The following NDUFV1 variants were observed in gnomAD, a reference collection of about 807,000 sequenced individuals.
NDUFV1 encodes the protein NADH dehydrogenase [ubiquinone] flavoprotein 1, mitochondrial.
A neutral mutation model predicts 48.7 loss-of-function variants in NDUFV1; 41 were observed. That is an observed-to-expected ratio of 0.84 (90% CI 0.66 to 1.09). The LOEUF (loss-of-function observed/expected upper bound fraction) is 1.09. Among genes scored for constraint, NDUFV1 ranks in the 50% least tolerant of loss-of-function variants. NDUFV1 has a pLI of 0.00. For synonymous variants in NDUFV1, 231 were observed against 259.1 expected (o/e 0.89, Z 1.04); for missense variants, 580 against 645.4 (o/e 0.90, Z 1.10).
chr11:67,608,819 G>T, intron 3 of NDUFV1, 97 bp downstream of exon 3: 1 of 1,548,454 alleles, frequency 6.5e-7, no homozygotes, highest in South Asian at 1.1e-5. Context: ...TAGAAACTTA[G>T]CATGAATGAG....
Position 67,612,260 on chromosome 11 carries a change from G to T in NDUFV1, c.1303G>T (p.Val435Leu). 1.9e-6 allele frequency: 3 copies of T among 1,613,968 alleles called. No individual in the cohort carries two copies. The highest frequency in any genetic ancestry group is 2.5e-6 in the Non-Finnish European group (3 of 1,179,950). Residue 435 changes from valine to leucine, a missense_variant, in exon 9 of 10, where the codon GTG (valine) becomes TTG (leucine). Transcript: ENST00000322776. This position sits in a 1 kb window ranked among gnomAD's most constrained non-coding sequence, Gnocchi z 4.4. ...TCTGGGTGACGGGGCCGCCTGGCCT[G>T]TGCAGGTATTCACCACCCTTCTGCG... ...CALGDGAAWPVQGLIRHFRPE... is the reference protein window; with the variant it reads ...CALGDGAAWPLQGLIRHFRPE...
intron 3 of NDUFV1, 44 bp downstream of exon 3, chr11:67,608,766 T>C: frequency 2.5e-6 from 4 of 1,609,524 alleles, no homozygotes; most frequent in Non-Finnish European, 3.4e-6. Flanking sequence ...GGGAGAGACC[T>C]TGGGGGTGGC....
rs1033000931 is a variant in NDUFV1, at chr11:67,611,043, T to C, written c.749T>C (p.Val250Ala). Reference protein sequence around the residue: ...TTVANVETVAVSPTICRRGGT... With the variant: ...TTVANVETVAASPTICRRGGT... Reference sequence around the variant, plus strand: ...GTGGCCAACGTGGAGACAGTGGCAGTGTCCCCCACAATCTGCCGCCGTGGA... The same window carrying C: ...GTGGCCAACGTGGAGACAGTGGCAGCGTCCCCCACAATCTGCCGCCGTGGA... Residue 250 changes from valine to alanine, a missense_variant, in exon 6 of 10, where the codon GTG becomes GCG. Physicochemically the swap from Val to Ala is moderately conservative, Grantham distance 64. Transcript: ENST00000322776. The surrounding 1 kb of genome is among the most constrained non-coding windows in gnomAD (Gnocchi z 4.2). 2 of 1,614,222 alleles carry C rather than the reference T, an allele frequency of 1.2e-6. No homozygotes were observed. The highest frequency in any genetic ancestry group is 8.5e-7 in the Non-Finnish European group (1 of 1,180,046).
chr11:67,608,357 C>T (rs200032542), intron 1 of NDUFV1, 39 bp from the exon 2 acceptor site: 6 of 1,580,096 alleles, frequency 3.8e-6, no homozygotes, highest in Non-Finnish European at 5.2e-6. Context: ...CCTCATGGCC[C>T]CAGAGCACTC....
Position 67,612,175 on chromosome 11 carries a change from G to C in NDUFV1, c.1218G>C (p.Pro406=), listed in dbSNP as rs759441828. 30 of 1,613,270 alleles carry C rather than the reference G, an allele frequency of 1.9e-5. No homozygotes were observed. Among genetic ancestry groups the C allele is most frequent in the Non-Finnish European group, 2.2e-5 (26 of 1,179,858 alleles). The change falls in exon 9 of 10, where the codon CCG becomes CCC. Residue 406 remains proline, a synonymous_variant. Transcript: ENST00000322776. The surrounding 1 kb of genome is among the most constrained non-coding windows in gnomAD (Gnocchi z 4.4). ...GTTTCGTGAGGGGGGATGCCCGGCCGGCCGAGATCGACTCCCTGTGGGAGA... is the reference window on the plus strand; with the variant it reads ...GTTTCGTGAGGGGGGATGCCCGGCCCGCCGAGATCGACTCCCTGTGGGAGA... The part of the protein sequence containing the change: ...MARFVRGDAR[P]AEIDSLWEIS...
In NDUFV1 at chr11:67,611,047, C is replaced by T. The variant is rs146875681; in HGVS notation, c.753C>T (p.Ser251=). ...TVANVETVAV[S]PTICRRGGTW... ...CCAACGTGGAGACAGTGGCAGTGTC[C>T]CCCACAATCTGCCGCCGTGGAGGTA... Residue 251 remains serine (S), a synonymous_variant, in exon 6 of 10, where the codon TCC becomes TCT. Coordinates refer to ENST00000322776, the MANE Select transcript of NDUFV1 (RefSeq NM_007103.4). This position sits in a 1 kb window ranked among gnomAD's most constrained non-coding sequence, Gnocchi z 4.2. 2.0e-5 allele frequency: 32 copies of T among 1,614,166 alleles called. No individual in the cohort carries two copies. In the African/African-American group the frequency reaches 4.0e-4, roughly 20 times the overall value.
intron 5 of NDUFV1, 177 bp downstream of exon 5, chr11:67,610,747 C>T (rs933636609): frequency 8.2e-5 from 73 of 894,022 alleles, no homozygotes; most frequent in Non-Finnish European, 1.1e-4. Context: ...CCTCCTCCTG[C>T]CTCGGTCCCC....
Position 67,612,395 on chromosome 11 carries a change from G to GGAGC in NDUFV1, c.1333_1336dup (p.Leu446ArgfsTer?), listed in dbSNP as rs1365812919. 3.1e-6 allele frequency: 5 copies of GGAGC among 1,612,848 alleles called. No homozygotes were observed. The East Asian group carries it at 1.1e-4, about 36-fold the overall frequency. Reference sequence around the variant, plus strand: ...AGGGTCTGATCCGCCACTTTCGGCCGGAGCTCGAGGAGCGGATGCAGCGGT... The same window carrying GGAGC: ...AGGGTCTGATCCGCCACTTTCGGCCGGAGCGAGCTCGAGGAGCGGATGCAGCGGT... On this transcript the variant is annotated frameshift_variant, in exon 10 of 10. Coordinates refer to ENST00000322776, the MANE Select transcript of NDUFV1 (RefSeq NM_007103.4). LOFTEE classifies it high-confidence loss of function. This position sits in a 1 kb window ranked among gnomAD's most constrained non-coding sequence, Gnocchi z 4.4.
chr11:67,608,001 C>T lies in NDUFV1; in HGVS notation c.73-395C>T, dbSNP rs377410524. On this transcript the variant is annotated intron_variant, in intron 1 of 9. Transcript: ENST00000322776. ...CAGCACTTTGGGAGGCTGAGGCGGG[C>T]GGATCGCTTGAGGTCAGGAGTTCGA... Among the ~76,000 whole-genome samples the T allele has an allele frequency of 2.2e-4, 33 of 152,086 alleles. No individual in the cohort carries two copies. The East Asian group carries it at 2.7e-3, about 12-fold the overall frequency.
At chr11:67,610,138 A>C in intron 4 of NDUFV1, 1 of 560,470 alleles carries the variant, frequency 1.8e-6, no homozygotes. Flanking sequence ...GAGACCTGAT[A>C]GTAGCTACTT....
At chr11:67,607,116 CG>C (rs1854820403) in intron 1 of NDUFV1, 40 bp downstream of exon 1, 1 of 1,578,826 alleles carries the variant, frequency 6.3e-7, no homozygotes, top group Non-Finnish European at 8.6e-7. Flanking sequence ...TGTTTGGGGC[CG>C]GGTGTCGCGG....
rs952508681 is a variant in NDUFV1 at position 67,609,634 on chromosome 11, A to C, written c.509A>C (p.Gln170Pro). 1 of 1,602,780 alleles carries C rather than the reference A, an allele frequency of 6.2e-7. No homozygotes were observed. Among genetic ancestry groups the C allele is most frequent in the Non-Finnish European group, 8.5e-7 (1 of 1,179,944 alleles). ...TTCTACAATGAGGCCTCCAATCTGC[A>C]GGTGGGTAGGGAGAGATGTAGACAG... ...GEFYNEASNL[Q>P]VAIREAYEAG... The change falls in exon 4 of 10, where the codon CAG becomes CCG. Residue 170 changes from glutamine to proline, a missense_variant and splice_region_variant. Gln to Pro is a moderately conservative substitution (Grantham distance 76). Coordinates refer to ENST00000322776, the MANE Select transcript of NDUFV1 (RefSeq NM_007103.4).
chr11:67,609,790 T>C, intron 4 of NDUFV1, 155 bp downstream of exon 4: 1 of 856,422 alleles, frequency 1.2e-6, no homozygotes, highest in Non-Finnish European at 1.8e-6. Flanking sequence ...CAAATGGGAC[T>C]TGGCTCCCAA....
At chr11:67,609,996 A>G (rs1443858996) in intron 4 of NDUFV1, 3 of 352,894 alleles carry the variant, frequency 8.5e-6, no homozygotes, top group Non-Finnish European at 1.6e-5. Flanking sequence ...GCTTGGAACT[A>G]TGAATAATAC....
At chr11:67,609,886 C>A in intron 4 of NDUFV1, 2 of 465,660 alleles carry the variant, frequency 4.3e-6, no homozygotes, top group Non-Finnish European at 3.8e-6. Context: ...AAACAAGTAG[C>A]AAGAAGAAAA....
Position 67,610,949 on chromosome 11 carries a change from G to T in NDUFV1, c.701-46G>T. 1.9e-6 allele frequency: 3 copies of T among 1,597,708 alleles called. 1 individual carries two copies. The highest frequency in any genetic ancestry group is 3.6e-4 in the Middle Eastern group (2 of 5,554). ...GACACACCTCCCTGCCAGGAAACTT[G>T]CCCCACCCCCTAGCAGCCACCAGTT... On this transcript the variant is annotated intron_variant, in intron 5 of 9. Coordinates refer to ENST00000322776, the MANE Select transcript of NDUFV1 (RefSeq NM_007103.4).
intron 1 of NDUFV1, among the ~76,000 whole-genome samples, chr11:67,607,788 T>C (rs1255195627): frequency 6.6e-6 from 1 of 152,204 alleles, no homozygotes; most frequent in African/African-American, 2.4e-5. Context: ...TGCTTTTGAC[T>C]GTGAGACCTT....
intron 5 of NDUFV1, 184 bp downstream of exon 5, chr11:67,610,754 C>A: frequency 1.1e-6 from 1 of 872,486 alleles, no homozygotes. Context: ...CTGCCTCGGT[C>A]CCCTCCGCAC....
At position 67,612,454 on chromosome 11, in the gene NDUFV1, C is replaced by A; in HGVS notation, c.1391C>A (p.Ser464Tyr). 1 of 1,611,490 alleles carries A rather than the reference C, an allele frequency of 6.2e-7. No homozygotes were observed. The highest frequency in any genetic ancestry group is 8.5e-7 in the Non-Finnish European group (1 of 1,179,676). Residue 464 changes from serine to tyrosine, a missense_variant, in exon 10 of 10, where the codon TCT becomes TAT. Coordinates refer to ENST00000322776, the MANE Select transcript of NDUFV1 (RefSeq NM_007103.4). The surrounding 1 kb of genome is among the most constrained non-coding windows in gnomAD (Gnocchi z 4.4). ...CAGCATCAGGCCCGGCAGGCTGCCTCTTAGCCCACCACCCTGGCCTGCTGT... is the reference window on the plus strand; with the variant it reads ...CAGCATCAGGCCCGGCAGGCTGCCTATTAGCCCACCACCCTGGCCTGCTGT... ...AQQHQARQAAS is the reference protein window; with the variant it reads ...AQQHQARQAAY
Sources: allele counts gnomAD v4.1 joint callset (sites outside exome capture counted in the v4.1 genomes callset), GRCh38; gene constraint gnomAD v4.1.1; non-coding constraint Gnocchi (gnomAD v3.1); transcripts MANE v1.5; gene names NCBI Gene and HGNC (gene_info 2026-07-23, HGNC 2026-07-21).